Variants in UBQLN1 observed in about 807,000 individuals in gnomAD.
The protein encoded by UBQLN1 is ubiquilin 1, also known as ubiquilin-1.
UBQLN1 carries 13 observed loss-of-function variants against 65.4 expected under a neutral mutation model. The ratio of observed to expected loss-of-function variants is 0.20; its 90% CI spans 0.13 to 0.32. The LOEUF (loss-of-function observed/expected upper bound fraction) is 0.32, where lower values mean the gene tolerates loss of function less well. UBQLN1 is among the 10% of genes least tolerant of loss of function. The probability of loss-of-function intolerance (pLI) is 1.00; values close to 1 mark genes in which losing one functional copy is unlikely to be tolerated. For synonymous variants in UBQLN1, 267 were observed against 247.8 expected (o/e 1.08, Z -0.73); for missense variants, 561 against 724.0 (o/e 0.77, Z 2.58).
In UBQLN1 at chr9:83,684,019, A is replaced by AAAACAAAC. The variant is rs569457776; in HGVS notation, c.333-961_333-954dup. Among the ~76,000 whole-genome samples the AAAACAAAC allele has an allele frequency of 7.9e-5, 12 of 151,970 alleles. No individual in the cohort carries two copies. In the East Asian group the frequency reaches 1.4e-3, roughly 17 times the overall value. On this transcript the variant is annotated intron_variant, in intron 2 of 10. Transcript: ENST00000376395. ...CTGGGTGACAGAGAGAGACTCTTGA[A>AAAACAAAC]AAACAAACAAACAAACAAACAAAAA...
At chr9:83,677,096 T>C (rs1402350885) in intron 6 of UBQLN1, among the ~76,000 whole-genome samples, 1 of 152,230 alleles carries the variant, frequency 6.6e-6, no homozygotes, top group Admixed American at 6.5e-5. Context: ...GCAGGTGCTC[T>C]GATGCAGCCA....
At chr9:83,663,199 G>A (rs538539974) in intron 10 of UBQLN1, among the ~76,000 whole-genome samples, 1 of 151,650 alleles carries the variant, frequency 6.6e-6, no homozygotes, top group Admixed American at 6.6e-5. Flanking sequence ...GAAAGGGAAA[G>A]AAAAAAGAAA....
At chr9:83,684,062 T>C (rs1831996405) in intron 2 of UBQLN1, among the ~76,000 whole-genome samples, 1 of 152,150 alleles carries the variant, frequency 6.6e-6, no homozygotes, top group African/African-American at 2.4e-5. Flanking sequence ...AACTTTTTTA[T>C]CTATCCCCTT....
chr9:83,690,702 CCAGCTTGGTCAA>C (rs1832112700), intron 1 of UBQLN1, among the ~76,000 whole-genome samples: 1 of 151,632 alleles, frequency 6.6e-6, no homozygotes, highest in Admixed American at 6.6e-5. Context: ...CCACTGCACT[CCAGCTTGGTCAA>C]CAGCTTGGTC....
intron 1 of UBQLN1, among the ~76,000 whole-genome samples, chr9:83,698,250 G>A (rs961231299): frequency 6.6e-5 from 10 of 152,084 alleles, no homozygotes; most frequent in Admixed American, 1.3e-4. Context: ...AATACAAACT[G>A]GCTGAAATGC....
chr9:83,707,404 G>T (rs1456419294), intron 1 of UBQLN1, 96 bp downstream of exon 1: 2 of 1,319,538 alleles, frequency 1.5e-6, no homozygotes, highest in African/African-American at 1.5e-5. Flanking sequence ...GGCCGAGGAC[G>T]ACCCCTCTCC....
intron 2 of UBQLN1, among the ~76,000 whole-genome samples, chr9:83,684,458 G>C (rs1342261640): frequency 6.6e-6 from 1 of 151,898 alleles, no homozygotes; most frequent in African/African-American, 2.4e-5. Flanking sequence ...CCCTCCCAAA[G>C]TGCTCAGATT....
intron 7 of UBQLN1, 126 bp from the exon 8 acceptor site, chr9:83,666,559 T>C: frequency 1.2e-6 from 1 of 829,882 alleles, no homozygotes; most frequent in South Asian, 1.9e-5. Context: ...AGAACATAAA[T>C]AAAAAAAGGA....
rs1397792180 is a variant in UBQLN1, at chr9:83,665,967, A to G, written c.1332+383T>C. Among the ~76,000 whole-genome samples, 3 of 152,360 alleles carry G rather than the reference A, an allele frequency of 2.0e-5. No individual in the cohort carries two copies. The East Asian group carries it at 5.8e-4, about 29-fold the overall frequency. ...CTTCTACTAATTTGGAAGAAAACCT[A>G]TAAAATAGAATAGGGTAGCTCTTTC... On this transcript the variant is annotated intron_variant, in intron 8 of 10. Coordinates refer to ENST00000376395, the MANE Select transcript of UBQLN1 (RefSeq NM_013438.5).
At position 83,677,897 on chromosome 9, in the gene UBQLN1, G is replaced by T; in HGVS notation, c.935C>A (p.Ser312Tyr). The change falls in exon 6 of 11, where the codon TCC becomes TAC. Residue 312 changes from serine (S) to tyrosine (Y), a missense_variant. Ser to Tyr is a moderately radical substitution (Grantham distance 144, BLOSUM62 -2). This residue lies in a region of UBQLN1 where 89 missense variants were observed against 77.8 expected (regional missense o/e 1.14). Transcript: ENST00000376395. ...NTSSGEGSQP[S>Y]RTENRDPLPN... ...TAGTGGATCTCTATTTTCTGTACGG[G>T]AAGGTTGACTACCTTCACCAGAGGA... 2 of 1,614,148 alleles carry T rather than the reference G, an allele frequency of 1.2e-6. No individual in the cohort carries two copies. Among genetic ancestry groups the T allele is most frequent in the South Asian group, 2.2e-5 (2 of 91,086 alleles).
chr9:83,662,938 T>G (rs1831584069), intron 10 of UBQLN1, among the ~76,000 whole-genome samples: 1 of 151,660 alleles, frequency 6.6e-6, no homozygotes, highest in Non-Finnish European at 1.5e-5. Context: ...TAGCCAGGTG[T>G]GGTGGTCTGC....
chr9:83,678,783 C>A (rs1325445059), intron 4 of UBQLN1, among the ~76,000 whole-genome samples, 184 bp from the exon 5 acceptor site: 4 of 152,036 alleles, frequency 2.6e-5, no homozygotes, highest in African/African-American at 9.7e-5. Flanking sequence ...GTGGCATGAT[C>A]TTGGTTCACT....
At chr9:83,679,621 C>T (rs1831906630) in intron 4 of UBQLN1, among the ~76,000 whole-genome samples, 154 bp downstream of exon 4, 1 of 152,138 alleles carries the variant, frequency 6.6e-6, no homozygotes, top group African/African-American at 2.4e-5. Flanking sequence ...GTTCAAACAG[C>T]CAAATTAGCG....
At chr9:83,687,779 C>A (rs1236490731) in intron 1 of UBQLN1, among the ~76,000 whole-genome samples, 1 of 151,328 alleles carries the variant, frequency 6.6e-6, no homozygotes, top group Non-Finnish European at 1.5e-5. Context: ...ATATAAACAA[C>A]TGATTTTTAA....
At chr9:83,676,339 ATTTTTGG>A (rs1368503498) in intron 6 of UBQLN1, among the ~76,000 whole-genome samples, 5 of 152,194 alleles carry the variant, frequency 3.3e-5, no homozygotes, top group South Asian at 4.1e-4. Context: ...TGCAAAACTG[ATTTTTGG>A]TTTTTGGTTT....
chr9:83,663,276 T>A (rs1831590780), intron 10 of UBQLN1, among the ~76,000 whole-genome samples: 1 of 152,254 alleles, frequency 6.6e-6, no homozygotes, highest in Admixed American at 6.5e-5. Flanking sequence ...GACAACCTAA[T>A]AAAACAGGTT....
At chr9:83,707,150 C>G (rs1295965804) in intron 1 of UBQLN1, among the ~76,000 whole-genome samples, 3 of 152,128 alleles carry the variant, frequency 2.0e-5, no homozygotes, top group African/African-American at 7.2e-5. Context: ...GCCTCCACCC[C>G]GCCCGGAGGC....
chr9:83,665,196 G>T, intron 8 of UBQLN1, 51 bp from the exon 9 acceptor site: 2 of 1,390,654 alleles, frequency 1.4e-6, no homozygotes, highest in East Asian at 2.3e-5. Flanking sequence ...ATCAGTGAAC[G>T]TAAATTTTTA....
At chr9:83,680,888 G>A (rs778044931) in intron 3 of UBQLN1, among the ~76,000 whole-genome samples, 22 of 152,322 alleles carry the variant, frequency 1.4e-4, no homozygotes, top group Middle Eastern at 3.4e-3. Context: ...GCAGGACTGA[G>A]TCTGCTAACT....
Sources: gnomAD v4.1 joint callset for allele counts (sites outside exome capture counted in the v4.1 genomes callset) on GRCh38, gnomAD v4.1.1 for gene constraint, gnomAD v4.1.1 regional missense constraint, MANE v1.5 for transcripts, NCBI Gene and HGNC (gene_info 2026-07-23, HGNC 2026-07-21) for gene names.